ATP2B2: variants seen among roughly 807,000 people sequenced by gnomAD.
The protein encoded by ATP2B2 is plasma membrane calcium-transporting ATPase 2.
ATP2B2 carries 15 observed loss-of-function variants against 120.0 expected under a neutral mutation model. That is an observed-to-expected ratio of 0.12 (90% CI 0.08 to 0.19). ATP2B2 has a LOEUF of 0.19. Ranked by LOEUF, ATP2B2 falls within the 10% of genes least tolerant of loss-of-function variation. The pLI is 1.00. For missense variants in ATP2B2, 1,045 were observed against 1,719.8 expected, an observed-to-expected ratio of 0.61 and a Z score of 6.94; for synonymous variants, 694 against 700.3, an observed-to-expected ratio of 0.99 and a Z score of 0.14.
intron 1 of ATP2B2, among the ~76,000 whole-genome samples, chr3:10,681,244 C>T (rs971965725): frequency 2.6e-5 from 4 of 152,242 alleles, no homozygotes; most frequent in African/African-American, 9.6e-5. Flanking sequence ...AATGGCCTAA[C>T]ACATTCCCCA....
At chr3:10,691,988 C>G (rs2071671603) in intron 1 of ATP2B2, among the ~76,000 whole-genome samples, 2 of 152,090 alleles carry the variant, frequency 1.3e-5, no homozygotes, top group African/African-American at 4.8e-5. Flanking sequence ...CCCAGAGAGA[C>G]CTAGTTACAG....
intron 2 of ATP2B2, among the ~76,000 whole-genome samples, chr3:10,568,336 A>G (rs1168650776): frequency 6.6e-6 from 1 of 152,178 alleles, no homozygotes; most frequent in African/African-American, 2.4e-5. Context: ...CACCAAAGCC[A>G]TGAGTGTCCA....
chr3:10,535,587 C>A (rs1375564297), intron 2 of ATP2B2, among the ~76,000 whole-genome samples: 2 of 152,180 alleles, frequency 1.3e-5, no homozygotes, highest in African/African-American at 2.4e-5. Context: ...TAATATTGTT[C>A]TTTCAATGAT....
intron 3 of ATP2B2, among the ~76,000 whole-genome samples, chr3:10,532,533 G>A (rs1356091402): frequency 6.6e-6 from 1 of 152,190 alleles, no homozygotes; most frequent in Non-Finnish European, 1.5e-5. Flanking sequence ...GCTTGTGGAT[G>A]GCTCTCCTCA....
At chr3:10,621,492 G>A (rs531894838) in intron 1 of ATP2B2, among the ~76,000 whole-genome samples, 2 of 152,340 alleles carry the variant, frequency 1.3e-5, no homozygotes, top group Admixed American at 6.5e-5. Context: ...TTGTATAGAT[G>A]GGGAAACTGA....
intron 3 of ATP2B2, among the ~76,000 whole-genome samples, chr3:10,520,812 C>G (rs2066971142): frequency 1.4e-5 from 2 of 143,974 alleles, no homozygotes; most frequent in Admixed American, 7.0e-5. Context: ...GAGTGCCTTT[C>G]TATTTTGATT....
rs75735002 is a variant in ATP2B2, at chr3:10,413,673, G to A, written c.200-2858C>T. On this transcript the variant is annotated intron_variant, in intron 2 of 22. Coordinates refer to ENST00000360273, the MANE Select transcript of ATP2B2 (RefSeq NM_001001331.4). ...ACACTGTAGCACGATTCCAGGAACCGCAGGAAGCTTCCCTGTCTTCCTCCT... is the reference window on the plus strand; with the variant it reads ...ACACTGTAGCACGATTCCAGGAACCACAGGAAGCTTCCCTGTCTTCCTCCT... Among the ~76,000 whole-genome samples the A allele has an allele frequency of 1.4e-4, 21 of 152,320 alleles. No homozygotes were observed. The East Asian group carries it at 3.5e-3, about 25-fold the overall frequency.
Position 10,477,369 on chromosome 3 carries a change from A to G in ATP2B2, c.-319-27507T>C, listed in dbSNP as rs564384478. ...CATTCTCAATTTAATTTTTTCATCT[A>G]CGTTTCTCTTTTTTGTGGTTAAGTC... On this transcript the variant is annotated intron_variant, in intron 1 of 22. Transcript: ENST00000360273. Among the ~76,000 whole-genome samples, 24 of 152,282 alleles carry G rather than the reference A, an allele frequency of 1.6e-4. No individual in the cohort carries two copies. The South Asian group carries it at 5.0e-3, about 32-fold the overall frequency.
intron 1 of ATP2B2, among the ~76,000 whole-genome samples, chr3:10,654,549 G>A (rs2070559907): frequency 6.6e-6 from 1 of 152,142 alleles, no homozygotes; most frequent in East Asian, 1.9e-4. Flanking sequence ...GAAAGAAAGG[G>A]TGGGGACCTC....
chr3:10,383,316 A>T (rs2061582593), intron 8 of ATP2B2, among the ~76,000 whole-genome samples: 1 of 152,132 alleles, frequency 6.6e-6, no homozygotes, highest in Non-Finnish European at 1.5e-5. Flanking sequence ...CTTGCAGTCA[A>T]ATCAGCCTAG....
intron 1 of ATP2B2, among the ~76,000 whole-genome samples, chr3:10,502,348 G>A (rs758164956): frequency 2.0e-5 from 3 of 152,192 alleles, no homozygotes; most frequent in Non-Finnish European, 4.4e-5. Flanking sequence ...TGAGAAGATT[G>A]AGGGCAGAGA....
intron 1 of ATP2B2, among the ~76,000 whole-genome samples, chr3:10,698,982 C>T (rs1332647384): frequency 6.6e-6 from 1 of 152,198 alleles, no homozygotes; most frequent in Non-Finnish European, 1.5e-5. Flanking sequence ...CTTCTAAAGC[C>T]CTACGGGCCT....
intron 2 of ATP2B2, among the ~76,000 whole-genome samples, chr3:10,611,520 G>T (rs994315394): frequency 3.3e-5 from 5 of 152,034 alleles, no homozygotes; most frequent in Admixed American, 6.5e-5. Flanking sequence ...GCAGCCCAAG[G>T]GGTCAAGGAG....
chr3:10,495,786 G>C (rs2066122687), intron 1 of ATP2B2, among the ~76,000 whole-genome samples: 2 of 152,250 alleles, frequency 1.3e-5, no homozygotes, highest in Admixed American at 1.3e-4. Context: ...CCATTTTGTA[G>C]ATAAGGAAAC....
At chr3:10,486,641 C>T (rs1463282919) in intron 1 of ATP2B2, among the ~76,000 whole-genome samples, 9 of 152,106 alleles carry the variant, frequency 5.9e-5, no homozygotes, top group Non-Finnish European at 1.0e-4. Flanking sequence ...TCCCTGACCA[C>T]GCTAGTGGCA....
At chr3:10,640,297 G>T (rs117492373) in intron 1 of ATP2B2, among the ~76,000 whole-genome samples, 1 of 152,228 alleles carries the variant, frequency 6.6e-6, no homozygotes, top group South Asian at 2.1e-4. Context: ...GGACAGAAAG[G>T]ACAGGGGTTT....
chr3:10,376,833 G>A (rs1028738998), intron 10 of ATP2B2, among the ~76,000 whole-genome samples: 3 of 126,694 alleles, frequency 2.4e-5, no homozygotes, highest in South Asian at 2.7e-4. Context: ...TGGGAGTCAC[G>A]GAGGAGGTTT....
At chr3:10,390,307 G>T (rs747384121) in intron 5 of ATP2B2, among the ~76,000 whole-genome samples, 4 of 152,176 alleles carry the variant, frequency 2.6e-5, no homozygotes, top group Non-Finnish European at 5.9e-5. Context: ...TCTATGTCAG[G>T]AAACTCATTA....
chr3:10,339,538 G>C (rs1292885332), intron 21 of ATP2B2, among the ~76,000 whole-genome samples: 1 of 152,140 alleles, frequency 6.6e-6, no homozygotes, highest in Non-Finnish European at 1.5e-5. Context: ...GCTGTGACAG[G>C]GTCTGGAACT....
Sources: allele counts gnomAD v4.1 joint callset (sites outside exome capture counted in the v4.1 genomes callset), GRCh38; gene constraint gnomAD v4.1.1; transcripts MANE v1.5; gene names NCBI Gene and HGNC (gene_info 2026-07-23, HGNC 2026-07-21).